The following DESI2 variants were observed in gnomAD, a reference collection of about 807,000 sequenced individuals.
DESI2 encodes desumoylating isopeptidase 2.
In DESI2, 10 loss-of-function variants were observed where a neutral mutation model predicts 24.1. The ratio of observed to expected loss-of-function variants is 0.41; its 90% CI spans 0.26 to 0.70. DESI2 has a LOEUF of 0.70. Among genes scored for constraint, DESI2 ranks in the 30% least tolerant of loss-of-function variants. The probability of loss-of-function intolerance (pLI) is 0.29; values close to 1 mark genes in which losing one functional copy is unlikely to be tolerated. For synonymous variants in DESI2, 71 were observed against 87.7 expected, an observed-to-expected ratio of 0.81 and a Z score of 1.06; for missense variants, 122 against 234.9, an observed-to-expected ratio of 0.52 and a Z score of 3.14.
intron 1 of DESI2, among the ~76,000 whole-genome samples, chr1:244,662,693 C>G (rs913667837): frequency 6.6e-6 from 1 of 152,022 alleles, no homozygotes; most frequent in Non-Finnish European, 1.5e-5. Context: ...CAGTGTAAGT[C>G]AGGATGGTAT....
At chr1:244,702,497 G>A (rs1373001002) in intron 4 of DESI2, among the ~76,000 whole-genome samples, 1 of 152,120 alleles carries the variant, frequency 6.6e-6, no homozygotes, top group African/African-American at 2.4e-5. Context: ...CTCAGTAACA[G>A]ACCAAGACTC....
intron 1 of DESI2, among the ~76,000 whole-genome samples, chr1:244,664,210 T>C (rs1258001466): frequency 6.6e-6 from 1 of 152,162 alleles, no homozygotes; most frequent in African/African-American, 2.4e-5. Flanking sequence ...AATTAAGTTT[T>C]CAGGTTATGT....
At chr1:244,671,877 A>G (rs545347975) in intron 1 of DESI2, among the ~76,000 whole-genome samples, 1 of 152,368 alleles carries the variant, frequency 6.6e-6, no homozygotes, top group Admixed American at 6.5e-5. Context: ...TCCTCATAGC[A>G]ATTTTGAGAA....
At chr1:244,672,616 T>G (rs940902683) in intron 1 of DESI2, among the ~76,000 whole-genome samples, 6 of 152,162 alleles carry the variant, frequency 3.9e-5, no homozygotes, top group African/African-American at 1.4e-4. Context: ...TGGTGGCTCA[T>G]GCCTGTAACC....
At chr1:244,705,452 G>A (rs1677656946) in intron 4 of DESI2, 104 bp from the exon 5 acceptor site, 1 of 876,096 alleles carries the variant, frequency 1.1e-6, no homozygotes, top group Non-Finnish European at 1.8e-6. Context: ...GTCTGCCGTG[G>A]CTTCTCTGTA....
At chr1:244,662,839 A>G (rs1175476258) in intron 1 of DESI2, among the ~76,000 whole-genome samples, 1 of 152,190 alleles carries the variant, frequency 6.6e-6, no homozygotes, top group Admixed American at 6.5e-5. Context: ...CAAGGCTGTA[A>G]ATCGGGCCAC....
chr1:244,656,360 T>C (rs1272336196), intron 1 of DESI2: 1 of 152,228 alleles, frequency 6.6e-6, no homozygotes, highest in Non-Finnish European at 1.5e-5. Context: ...AATAATTCTA[T>C]TGGGGGTCAC....
At chr1:244,683,857 C>T (rs975792078) in intron 1 of DESI2, among the ~76,000 whole-genome samples, 1 of 149,286 alleles carries the variant, frequency 6.7e-6, no homozygotes, top group African/African-American at 2.5e-5. Flanking sequence ...GCTAGGACCA[C>T]GGGTACCTGG....
rs1406661587 is a variant in DESI2 at position 244,708,495 on chromosome 1, G to A, written c.*2706G>A. ...GCATTTGTACAGAGCAGGGAATTCT[G>A]GTTTTAGTCCATTGGTAGCATTGTG... On this transcript the variant is annotated 3_prime_UTR_variant, in exon 5 of 5. Transcript: ENST00000302550. 1 of 152,542 alleles carries A rather than the reference G, an allele frequency of 6.6e-6. No homozygotes were observed. The highest frequency in any genetic ancestry group is 1.9e-4 in the East Asian group (1 of 5,190). 9.4% of individuals were successfully genotyped at this position (152,542 alleles called of 1,614,324 possible).
At chr1:244,680,036 T>TA (rs11439820) in intron 1 of DESI2, among the ~76,000 whole-genome samples, 83,859 of 141,964 alleles carry the variant, frequency 0.59, 26,931 homozygotes, top group Non-Finnish European at 0.71. Flanking sequence ...TTTTTTTTTT[T>TA]AAACAAAAAA....
intron 1 of DESI2, among the ~76,000 whole-genome samples, chr1:244,658,042 C>A (rs1001164966): frequency 6.6e-6 from 1 of 152,132 alleles, no homozygotes; most frequent in African/African-American, 2.4e-5. Context: ...ATTTTACTTT[C>A]TGGATATTAT....
At position 244,653,227 on chromosome 1, in the gene DESI2, C is replaced by G; in HGVS notation, c.-87C>G. On this transcript the variant is annotated 5_prime_UTR_variant, in exon 1 of 5. Transcript: ENST00000302550. ...TACGCTTAGTGCCCGGCTCAGGCCC[C>G]CTGAAGCGCCCGCGGGGGTGAGAGC... is the stretch of plus-strand genomic sequence containing the variant. 1 of 1,380,012 alleles carries G rather than the reference C, an allele frequency of 7.2e-7. No individual in the cohort carries two copies. The highest frequency in any genetic ancestry group is 2.8e-5 in the East Asian group (1 of 35,692). 85.5% of individuals were successfully genotyped at this position (1,380,012 alleles called of 1,614,324 possible). A position where few individuals can be genotyped will look rare whatever the true frequency, so the allele number is the denominator to read the frequency against.
At chr1:244,686,143 C>T (rs560854642) in intron 1 of DESI2, among the ~76,000 whole-genome samples, 3 of 152,040 alleles carry the variant, frequency 2.0e-5, no homozygotes, top group Admixed American at 6.5e-5. Flanking sequence ...TGATACATGC[C>T]GTAAATGTTT....
intron 1 of DESI2, among the ~76,000 whole-genome samples, chr1:244,684,400 A>G (rs935362330): frequency 6.6e-6 from 1 of 152,170 alleles, no homozygotes; most frequent in African/African-American, 2.4e-5. Context: ...TAACAGTTGA[A>G]CACAGGTGCT....
intron 4 of DESI2, among the ~76,000 whole-genome samples, chr1:244,699,492 G>A (rs1677352804): frequency 6.9e-6 from 1 of 144,508 alleles, no homozygotes; most frequent in Admixed American, 7.5e-5. Context: ...TGAGGCAGGA[G>A]AATTCCTTGA....
chr1:244,661,052 T>C (rs537902631), intron 1 of DESI2, among the ~76,000 whole-genome samples: 2 of 152,318 alleles, frequency 1.3e-5, no homozygotes, highest in East Asian at 3.9e-4. Flanking sequence ...TAACATAAAA[T>C]TTACGTTTTT....
chr1:244,705,724 G>C lies in DESI2; in HGVS notation c.520G>C (p.Ala174Pro). The stretch of plus-strand genomic sequence containing the variant: ...TGAACTGGAGGAAGCAGAGGATGCT[G>C]CCGCATCCGCTTCCGTGGCAAGCAC... ...QDELEEAEDA[A>P]ASASVASTAA... The change falls in exon 5 of 5, where the codon GCC becomes CCC. Residue 174 changes from alanine (A) to proline (P), a missense_variant. Around this residue, in one of 6 missense-constraint regions of DESI2, gnomAD observed 56 missense variants for 67.9 expected, o/e 0.82. Coordinates refer to ENST00000302550, the MANE Select transcript of DESI2 (RefSeq NM_016076.5). 6.2e-7 allele frequency: 1 copy of C among 1,613,842 alleles called. No individual in the cohort carries two copies. The highest frequency in any genetic ancestry group is 8.5e-7 in the Non-Finnish European group (1 of 1,180,032).
chr1:244,707,974 T>G lies in DESI2; in HGVS notation c.*2185T>G, dbSNP rs547318410. The G allele has an allele frequency of 2.6e-5, 4 of 152,372 alleles. No homozygotes were observed. The East Asian group carries it at 7.7e-4, about 29-fold the overall frequency. The allele number at this position is 152,372 out of a possible 1,614,324, so 9.4% of individuals were successfully genotyped here. On this transcript the variant is annotated 3_prime_UTR_variant, in exon 5 of 5. Coordinates refer to ENST00000302550, the MANE Select transcript of DESI2 (RefSeq NM_016076.5). ...GATAAAATTCTGGACGTGAGATTCC[T>G]TATAATCTAATTATACCTGAGGTTG...
intron 1 of DESI2, among the ~76,000 whole-genome samples, chr1:244,673,037 T>C (rs993906760): frequency 6.6e-6 from 1 of 152,200 alleles, no homozygotes; most frequent in African/African-American, 2.4e-5. Flanking sequence ...TTTTTTACAG[T>C]TATCTCACTA....
Sources: allele counts gnomAD v4.1 joint callset (sites outside exome capture counted in the v4.1 genomes callset), GRCh38; gene constraint gnomAD v4.1.1; regional missense constraint gnomAD v4.1.1; transcripts MANE v1.5; gene names NCBI Gene and HGNC (gene_info 2026-07-23, HGNC 2026-07-21).